The following LPA variants were observed in gnomAD, a reference collection of about 807,000 sequenced individuals.
LPA encodes the protein lipoprotein(a).
A neutral mutation model predicts 197.9 loss-of-function variants in LPA; 199 were observed. The ratio of observed to expected loss-of-function variants is 1.01; its 90% CI spans 0.90 to 1.13. LPA has a LOEUF of 1.13. Ranked by LOEUF, LPA falls within the 50% of genes most tolerant of loss-of-function variation. The pLI is 0.00. For synonymous variants in LPA, 715 were observed against 639.5 expected (o/e 1.12, Z -1.78); for missense variants, 1,853 against 1,785.8 (o/e 1.04, Z -0.68).
At chr6:160,576,960 G>A (rs1328969587) in intron 28 of LPA, among the ~76,000 whole-genome samples, 176 bp downstream of exon 28, 2 of 151,964 alleles carry the variant, frequency 1.3e-5, no homozygotes, top group Middle Eastern at 3.2e-3. Context: ...AAAAATAGCA[G>A]GCCTAAAATT....
intron 37 of LPA, among the ~76,000 whole-genome samples, chr6:160,535,304 T>C (rs1583562641): frequency 1.1e-5 from 1 of 88,562 alleles, no homozygotes; most frequent in African/African-American, 4.2e-5. Flanking sequence ...ATGGTGGTGG[T>C]AATGTTAATG....
chr6:160,594,676 T>G (rs1183462194), intron 21 of LPA, among the ~76,000 whole-genome samples: 2 of 152,180 alleles, frequency 1.3e-5, no homozygotes, highest in Non-Finnish European at 2.9e-5. Context: ...GCTGGTATCT[T>G]TGGCCCAGGA....
In LPA at chr6:160,653,989, ATATATAT is replaced by A. The variant is rs1562354565; in HGVS notation, c.50-3499_50-3493del. ...TATTATATATAATATATAATATATA[ATATATAT>A]TATATATAATATATATTATATATAA... On this transcript the variant is annotated intron_variant, in intron 1 of 38. Transcript: ENST00000316300. Among the ~76,000 whole-genome samples the A allele has an allele frequency of 3.6e-3, 28 of 7,802 alleles. 3 individuals are homozygous for A. Among genetic ancestry groups the A allele is most frequent in the African/African-American group, 8.5e-3 (24 of 2,830 alleles). 5.1% of individuals were successfully genotyped at this position (7,802 alleles called of 152,430 possible).
intron 23 of LPA, 83 bp downstream of exon 23, chr6:160,590,861 G>A: frequency 6.4e-7 from 1 of 1,565,502 alleles, no homozygotes; most frequent in Non-Finnish European, 8.8e-7. Flanking sequence ...GTGCAGCATG[G>A]AAGGCTTCTG....
At chr6:160,604,943 T>TTGTC in intron 18 of LPA, 103 bp downstream of exon 18, 1 of 1,542,868 alleles carries the variant, frequency 6.5e-7, no homozygotes, top group Non-Finnish European at 8.9e-7. Context: ...GCACTGTTCA[T>TTGTC]CTGAGACAAC....
intron 2 of LPA, among the ~76,000 whole-genome samples, chr6:160,649,901 A>T (rs1448035018): frequency 6.6e-6 from 1 of 152,204 alleles, no homozygotes; most frequent in East Asian, 1.9e-4. Context: ...GAATAGACAT[A>T]GATATAGAAA....
intron 16 of LPA, 64 bp downstream of exon 16, chr6:160,611,498 T>G: frequency 6.3e-7 from 1 of 1,594,736 alleles, no homozygotes; most frequent in Non-Finnish European, 8.5e-7. Flanking sequence ...GCTTGAAGCA[T>G]GTCTCTTGTC....
At chr6:160,538,809 G>A (rs1206957589) in intron 36 of LPA, among the ~76,000 whole-genome samples, 1 of 152,014 alleles carries the variant, frequency 6.6e-6, no homozygotes, top group African/African-American at 2.4e-5. Context: ...ATGTGCGGTG[G>A]GAACTCTAAA....
At chr6:160,553,954 T>TGTGTGTGCGCGCGCGCGCGC (rs771903485) in intron 30 of LPA, among the ~76,000 whole-genome samples, 25 of 130,742 alleles carry the variant, frequency 1.9e-4, no homozygotes, top group African/African-American at 7.3e-4. Flanking sequence ...TGTGTGTGTG[T>TGTGTGTGCGCGCGCGCGCGC]GCGCGCGCGC....
At chr6:160,549,431 G>T (rs773707292) in intron 30 of LPA, among the ~76,000 whole-genome samples, 1 of 152,118 alleles carries the variant, frequency 6.6e-6, no homozygotes, top group Non-Finnish European at 1.5e-5. Context: ...ATACAAATGC[G>T]TCTATACCTG....
At chr6:160,576,431 TAC>T (rs1554234399) in intron 28 of LPA, among the ~76,000 whole-genome samples, 1 of 131,618 alleles carries the variant, frequency 7.6e-6, no homozygotes, top group Non-Finnish European at 1.6e-5. Flanking sequence ...TATATATATA[TAC>T]ACACATGCAC....
intron 16 of LPA, among the ~76,000 whole-genome samples, chr6:160,608,462 T>A (rs1244183305): frequency 2.0e-5 from 3 of 152,170 alleles, no homozygotes; most frequent in African/African-American, 7.2e-5. Flanking sequence ...GCAATTTGTA[T>A]CACTGTTCTT....
At chr6:160,561,575 A>T (rs1156866469) in intron 28 of LPA, among the ~76,000 whole-genome samples, 1 of 152,182 alleles carries the variant, frequency 6.6e-6, no homozygotes, top group African/African-American at 2.4e-5. Flanking sequence ...ATTCCATATG[A>T]AATTGAAAGT....
chr6:160,555,615 A>T (rs1778250041), intron 30 of LPA, among the ~76,000 whole-genome samples: 1 of 151,440 alleles, frequency 6.6e-6, no homozygotes, highest in South Asian at 2.1e-4. Context: ...ACTCATATAC[A>T]TGTGAATTAT....
At chr6:160,559,832 G>A (rs948799642) in intron 28 of LPA, among the ~76,000 whole-genome samples, 1 of 152,258 alleles carries the variant, frequency 6.6e-6, no homozygotes, top group Admixed American at 6.5e-5. Context: ...AGATACATGT[G>A]TAGAATGTGT....
chr6:160,592,698 G>A (rs1414948685), intron 22 of LPA, among the ~76,000 whole-genome samples: 1 of 152,274 alleles, frequency 6.6e-6, no homozygotes, highest in Non-Finnish European at 1.5e-5. Flanking sequence ...TTTCTGGAAG[G>A]CAGTTAATTT....
At chr6:160,648,656 ATTTTTCATTTGG>A in intron 2 of LPA, among the ~76,000 whole-genome samples, 1 of 151,288 alleles carries the variant, frequency 6.6e-6, no homozygotes, top group Non-Finnish European at 1.5e-5. Context: ...CTATGCAATT[ATTTTTCATTTGG>A]TATTTTCTTC....
chr6:160,578,541 C>A lies in LPA; in HGVS notation c.4453G>T (p.Glu1485Ter). Reference protein sequence around the residue: ...TPTVAPVPSTEAPSEQAPPEK... With the variant: ...TPTVAPVPST ...TTCTTACCTTGTTCAGAAGGAGCCTCTGTGCTTGGAACCGGGGCCACTGTG... is the reference window on the plus strand; with the variant it reads ...TTCTTACCTTGTTCAGAAGGAGCCTATGTGCTTGGAACCGGGGCCACTGTG... Residue 1485 changes from glutamate (E) to a stop codon, truncating the protein, a stop_gained, in exon 27 of 39, where the codon GAG (glutamate) becomes TAG (stop). Coordinates refer to ENST00000316300, the MANE Select transcript of LPA (RefSeq NM_005577.4). LOFTEE classifies it high-confidence loss of function. The A allele has an allele frequency of 6.2e-7, 1 of 1,613,886 alleles. No homozygotes were observed. The highest frequency in any genetic ancestry group is 1.7e-4 in the Middle Eastern group (1 of 6,056).
rs367897422 is a variant in LPA, at chr6:160,611,525, G to C, written c.2603+37C>G. ...TCTCTTGTCACAGAAACTTCAGTTG[G>C]CCCTTTATTCTCTTATGGTAAAGAA... On this transcript the variant is annotated intron_variant, in intron 16 of 38. Coordinates refer to ENST00000316300, the MANE Select transcript of LPA (RefSeq NM_005577.4). The C allele has an allele frequency of 5.6e-6, 9 of 1,606,202 alleles. No homozygotes were observed. The East Asian group carries it at 1.3e-4, about 24-fold the overall frequency.
Sources: allele counts gnomAD v4.1 joint callset (sites outside exome capture counted in the v4.1 genomes callset), GRCh38; gene constraint gnomAD v4.1.1; transcripts MANE v1.5; gene names NCBI Gene and HGNC (gene_info 2026-07-23, HGNC 2026-07-21).